The following EPS8 variants were observed in gnomAD, a reference collection of about 807,000 sequenced individuals.
EPS8 encodes the protein epidermal growth factor receptor kinase substrate 8.
Under a neutral mutation model 103.8 loss-of-function variants are expected in EPS8, and 42 were observed. The observed-to-expected ratio is 0.40, with a 90% CI of 0.32 to 0.52. EPS8 has a LOEUF of 0.52. Ranked by LOEUF, EPS8 falls within the 20% of genes least tolerant of loss-of-function variation. The probability of loss-of-function intolerance (pLI) is 0.40; values close to 1 mark genes in which losing one functional copy is unlikely to be tolerated. For missense variants in EPS8, 969 were observed against 1,005.1 expected (o/e 0.96, Z 0.49); for synonymous variants, 344 against 344.6 (o/e 1.00, Z 0.02).
chr12:15,734,852 G>T lies in EPS8; in HGVS notation c.-21-51880C>A, dbSNP rs1946753090. On this transcript the variant is annotated intron_variant, in intron 1 of 20. Coordinates refer to ENST00000281172, the MANE Select transcript of EPS8 (RefSeq NM_004447.6). This position sits in a 1 kb window ranked among gnomAD's most constrained non-coding sequence, Gnocchi z 4.1. Reference sequence around the variant, plus strand: ...GTTCATAATAAAATACTTTCATATCGATGATCTCAATTGATTCTTATAATA... The same window carrying T: ...GTTCATAATAAAATACTTTCATATCTATGATCTCAATTGATTCTTATAATA... Among the ~76,000 whole-genome samples the T allele has an allele frequency of 6.6e-6, 1 of 151,986 alleles. No homozygotes were observed. Among genetic ancestry groups the T allele is most frequent in the Non-Finnish European group, 1.5e-5 (1 of 68,014 alleles).
At chr12:15,737,012 T>G (rs180862488) in intron 1 of EPS8, among the ~76,000 whole-genome samples, 19 of 152,254 alleles carry the variant, frequency 1.2e-4, no homozygotes, top group Admixed American at 1.2e-3. Context: ...GTTTTTGAAT[T>G]TGAAAAGCAC....
chr12:15,666,590 A>G, intron 6 of EPS8, 68 bp from the exon 7 acceptor site: 2 of 1,088,688 alleles, frequency 1.8e-6, no homozygotes, highest in Non-Finnish European at 2.8e-6. Flanking sequence ...AGTTTAAAAC[A>G]GAAAAAGGGA....
rs1463715255 is a variant in EPS8 at position 15,669,472 on chromosome 12, C to T, written c.431G>A (p.Ser144Asn). The part of the protein sequence containing the change: ...QHCQAVMHSC[S>N]YDSVLALVCK... ...CACCAGTGCAAGAACTGAATCATAG[C>T]TGCATGAATGCATCACAGCTTGGCA... Residue 144 changes from serine (S) to asparagine (N), a missense_variant, in exon 6 of 21, where the codon AGC (serine) becomes AAC (asparagine). Transcript: ENST00000281172. The T allele has an allele frequency of 1.9e-6, 3 of 1,613,846 alleles. No individual in the cohort carries two copies. The African/African-American group carries it at 4.0e-5, about 22-fold the overall frequency.
In EPS8 at chr12:15,670,711, T is replaced by C. The variant is rs537922560; in HGVS notation, c.204+145A>G. On this transcript the variant is annotated intron_variant, in intron 4 of 20. Transcript: ENST00000281172. Reference sequence around the variant, plus strand: ...CTAACAAGATACTTTATATGTAATATCTGTTTTAAAAAATCTAAACAAAAA... The same window carrying C: ...CTAACAAGATACTTTATATGTAATACCTGTTTTAAAAAATCTAAACAAAAA... 1.4e-5 allele frequency: 8 copies of C among 556,202 alleles called. No homozygotes were observed. In the South Asian group the frequency reaches 2.3e-4, roughly 16 times the overall value. 34.5% of individuals were successfully genotyped at this position (556,202 alleles called of 1,614,324 possible).
rs1031784316 is a variant in EPS8, at chr12:15,780,917, T to A, written c.-22+8244A>T. Among the ~76,000 whole-genome samples, 11 of 152,254 alleles carry A rather than the reference T, an allele frequency of 7.2e-5. No homozygotes were observed. The highest frequency in any genetic ancestry group is 2.4e-4 in the African/African-American group (10 of 41,476). ...TATGTAAAAATATGATAATAAGTGC[T>A]AATTTCATTCAGCAAGCCTTTTGTG... On this transcript the variant is annotated intron_variant, in intron 1 of 20. Transcript: ENST00000281172. This position sits in a 1 kb window ranked among gnomAD's most constrained non-coding sequence, Gnocchi z 4.1.
Position 15,654,142 on chromosome 12 carries a change from T to C in EPS8, c.1250+3A>G, listed in dbSNP as rs1283739096. 8.1e-6 allele frequency: 13 copies of C among 1,613,286 alleles called. No individual in the cohort carries two copies. In the East Asian group the frequency reaches 2.7e-4, roughly 33 times the overall value. ...TAAGGCATTATAGGTGGTAAATGCT[T>C]ACCTGGCTTTCATCCAAGTTCCTCC... On this transcript the variant is annotated splice_donor_region_variant and intron_variant, in intron 13 of 20. Transcript: ENST00000281172.
chr12:15,735,676 A>G lies in EPS8; in HGVS notation c.-21-52704T>C, dbSNP rs1209987863. Among the ~76,000 whole-genome samples the G allele has an allele frequency of 6.6e-6, 1 of 152,230 alleles. No homozygotes were observed. Among genetic ancestry groups the G allele is most frequent in the African/African-American group, 2.4e-5 (1 of 41,466 alleles). ...TGCATGTATATTGAGCTCAAAGCCT[A>G]CAAATAAACATAGTAATCAGGTTAT... On this transcript the variant is annotated intron_variant, in intron 1 of 20. Transcript: ENST00000281172. This position sits in a 1 kb window ranked among gnomAD's most constrained non-coding sequence, Gnocchi z 4.4.
chr12:15,637,815 C>T (rs1300646415), intron 17 of EPS8, among the ~76,000 whole-genome samples: 1 of 152,172 alleles, frequency 6.6e-6, no homozygotes, highest in Non-Finnish European at 1.5e-5. Context: ...GCTCTTGATA[C>T]AGCAAGCATG....
rs1333646455 is a variant in EPS8, at chr12:15,780,876, T to C, written c.-22+8285A>G. 6.6e-6 allele frequency: 1 copy of C among 152,232 alleles called. No homozygotes were observed. The highest frequency in any genetic ancestry group is 2.4e-5 in the African/African-American group (1 of 41,466). The allele number at this position is 152,232 out of a possible 1,614,324, so 9.4% of individuals were successfully genotyped here. On this transcript the variant is annotated intron_variant, in intron 1 of 20. Coordinates refer to ENST00000281172, the MANE Select transcript of EPS8 (RefSeq NM_004447.6). The surrounding 1 kb of genome is among the most constrained non-coding windows in gnomAD (Gnocchi z 4.1). ...CAACTTCCTATGTGAGGAAAACTCA[T>C]GCCCTTTTAAGTATTTATGTAAAAA... is the stretch of plus-strand genomic sequence containing the variant.
At chr12:15,636,790 T>A (rs1337886380) in intron 17 of EPS8, among the ~76,000 whole-genome samples, 1 of 152,172 alleles carries the variant, frequency 6.6e-6, no homozygotes, top group African/African-American at 2.4e-5. Context: ...TCTAAGTAAA[T>A]CATATAATTT....
In EPS8 at chr12:15,717,392, G is replaced by A. The variant is rs1393331462; in HGVS notation, c.-21-34420C>T. The stretch of plus-strand genomic sequence containing the variant: ...ATCTGAGGTCAGGAGTTCAAGACCA[G>A]CCTGGGCAACATGGTGAAACCCCAT... On this transcript the variant is annotated intron_variant, in intron 1 of 20. Coordinates refer to ENST00000281172, the MANE Select transcript of EPS8 (RefSeq NM_004447.6). This position sits in a 1 kb window ranked among gnomAD's most constrained non-coding sequence, Gnocchi z 4.3. 2.6e-5 allele frequency among the ~76,000 whole-genome samples: 4 copies of A among 152,146 alleles called. No individual in the cohort carries two copies. The highest frequency in any genetic ancestry group is 9.7e-5 in the African/African-American group (4 of 41,440).
intron 1 of EPS8, among the ~76,000 whole-genome samples, chr12:15,722,948 T>C (rs1946613430): frequency 6.6e-6 from 1 of 151,014 alleles, no homozygotes. Context: ...CAGCTACCAG[T>C]AGATTTTTTT....
rs745417768 is a variant in EPS8, at chr12:15,669,450, C to T, written c.453G>A (p.Leu151=). ...HSCSYDSVLA[L]VCKEPTQNKP... ...TGTTCTGGGTTGGCTCTTTGCACAC[C>T]AGTGCAAGAACTGAATCATAGCTGC... is the stretch of plus-strand genomic sequence containing the variant. Residue 151 remains leucine (L), a synonymous_variant, in exon 6 of 21, where the codon CTG becomes CTA. Transcript: ENST00000281172. 2.5e-6 allele frequency: 4 copies of T among 1,613,702 alleles called. No homozygotes were observed. Among genetic ancestry groups the T allele is most frequent in the South Asian group, 1.1e-5 (1 of 91,056 alleles).
chr12:15,663,203 T>G (rs1945637816), intron 8 of EPS8, among the ~76,000 whole-genome samples: 1 of 151,988 alleles, frequency 6.6e-6, no homozygotes. Context: ...TATTAGGAAC[T>G]CTACAGAGGC....
intron 1 of EPS8, among the ~76,000 whole-genome samples, chr12:15,783,439 G>A (rs1465194318): frequency 3.3e-5 from 5 of 151,984 alleles, no homozygotes; most frequent in South Asian, 4.2e-4. Context: ...GAGTCTAACC[G>A]CTGCACTATT....
intron 7 of EPS8, 71 bp from the exon 8 acceptor site, chr12:15,665,963 T>A: frequency 6.8e-7 from 1 of 1,468,872 alleles, no homozygotes; most frequent in Non-Finnish European, 9.4e-7. Flanking sequence ...ACTCAACTTG[T>A]GGTACTAGTT....
At position 15,658,712 on chromosome 12, in the gene EPS8, T is replaced by C. The variant is rs71459190; in HGVS notation, c.938-127A>G. 6.8e-3 allele frequency: 4,576 copies of C among 673,714 alleles called. 40 individuals carry two copies. Among genetic ancestry groups the C allele is most frequent in the Middle Eastern group, 0.042 (166 of 3,952 alleles). The allele number at this position is 673,714 out of a possible 1,614,324, so 41.7% of individuals were successfully genotyped here. A position where few individuals can be genotyped will look rare whatever the true frequency, so the allele number is the denominator to read the frequency against. ...CATCAGACATGCTACCTAGTTACCG[T>C]GCTACATCTCATAGTCTGACTGTAA... On this transcript the variant is annotated intron_variant, in intron 10 of 20. Coordinates refer to ENST00000281172, the MANE Select transcript of EPS8 (RefSeq NM_004447.6).
intron 14 of EPS8, among the ~76,000 whole-genome samples, chr12:15,649,207 G>A (rs1283288825): frequency 1.1e-4 from 17 of 152,106 alleles, no homozygotes; most frequent in Admixed American, 1.1e-3. Context: ...TAATTATTCA[G>A]TGAAAGTAGA....
intron 1 of EPS8, among the ~76,000 whole-genome samples, chr12:15,687,974 G>T (rs1225155456): frequency 6.6e-6 from 1 of 152,160 alleles, no homozygotes; most frequent in African/African-American, 2.4e-5. Flanking sequence ...ATTAGTTTTT[G>T]AAGGAAGTAC....
Sources: allele counts gnomAD v4.1 joint callset (sites outside exome capture counted in the v4.1 genomes callset), GRCh38; gene constraint gnomAD v4.1.1; non-coding constraint Gnocchi (gnomAD v3.1); transcripts MANE v1.5; gene names NCBI Gene and HGNC (gene_info 2026-07-23, HGNC 2026-07-21).